The following GRIP2 variants were observed in gnomAD, a reference collection of about 807,000 sequenced individuals.
GRIP2 encodes the protein glutamate receptor-interacting protein 2.
In GRIP2, 58 loss-of-function variants were observed where a neutral mutation model predicts 108.3. The ratio of observed to expected loss-of-function variants is 0.54; its 90% CI spans 0.43 to 0.67. The LOEUF is 0.67. GRIP2 is among the 30% of genes least tolerant of loss of function. The pLI is 0.00. For synonymous variants in GRIP2, 586 were observed against 598.2 expected (o/e 0.98, Z 0.30); for missense variants, 1,278 against 1,430.6 (o/e 0.89, Z 1.72).
At position 14,522,917 on chromosome 3, in the gene GRIP2, G is replaced by T; in HGVS notation, c.566+83C>A. 1 of 1,115,360 alleles carries T rather than the reference G, an allele frequency of 9.0e-7. No individual in the cohort carries two copies. The highest frequency in any genetic ancestry group is 1.4e-6 in the Non-Finnish European group (1 of 726,802). 69.1% of individuals were successfully genotyped at this position (1,115,360 alleles called of 1,614,324 possible). On this transcript the variant is annotated intron_variant, in intron 6 of 23. Coordinates refer to ENST00000621039, the MANE Select transcript of GRIP2 (RefSeq NM_001080423.4). The surrounding 1 kb of genome is among the most constrained non-coding windows in gnomAD (Gnocchi z 4.3). The stretch of plus-strand genomic sequence containing the variant: ...CTCGATCTCTTCATCTGGGGAAGGG[G>T]CATGGTGACCCCACTCCACCTTCTT...
intron 11 of GRIP2, 31 bp from the exon 12 acceptor site, chr3:14,514,509 G>T (rs557487870): frequency 2.6e-6 from 4 of 1,510,848 alleles, no homozygotes; most frequent in Admixed American, 4.2e-5. Context: ...GCATTCAGGT[G>T]AGCCGCCCCA....
chr3:14,583,883 C>A, the GRIP2 span, among the ~76,000 whole-genome samples: 1 of 152,154 alleles, frequency 6.6e-6, no homozygotes, highest in African/African-American at 2.4e-5. Context: ...GGGGCCACAC[C>A]AGCAAAGCCC....
In GRIP2 at chr3:14,505,596, C is replaced by T. The variant is rs778953618; in HGVS notation, c.2573+19G>A. 9.3e-6 allele frequency: 15 copies of T among 1,604,330 alleles called. No individual in the cohort carries two copies. Among genetic ancestry groups the T allele is most frequent in the Middle Eastern group, 1.7e-4 (1 of 6,050 alleles). On this transcript the variant is annotated intron_variant, in intron 20 of 23. Transcript: ENST00000621039. The surrounding 1 kb of genome is among the most constrained non-coding windows in gnomAD (Gnocchi z 4.2). ...GACACTGTGACTCCCTCCTCCTTCACGGTGCTCCCACCACAGACCTCGTTG... is the reference window on the plus strand; with the variant it reads ...GACACTGTGACTCCCTCCTCCTTCATGGTGCTCCCACCACAGACCTCGTTG...
intron 1 of GRIP2, among the ~76,000 whole-genome samples, chr3:14,535,207 T>G (rs1022462816): frequency 6.6e-6 from 1 of 152,116 alleles, no homozygotes; most frequent in Non-Finnish European, 1.5e-5. Flanking sequence ...CGCCCCACCA[T>G]GGAAGGGATT....
chr3:14,493,569 T>C lies in GRIP2; in HGVS notation c.*96A>G. 1 of 1,357,710 alleles carries C rather than the reference T, an allele frequency of 7.4e-7. No individual in the cohort carries two copies. Among genetic ancestry groups the C allele is most frequent in the Non-Finnish European group, 9.9e-7 (1 of 1,012,330 alleles). The allele number at this position is 1,357,710 out of a possible 1,614,324, so 84.1% of individuals were successfully genotyped here. ...GCTCAGAGTCTGCCAGACCAACAGA[T>C]GAATGAGTGGGTGGCCGCTTCTCCA... On this transcript the variant is annotated 3_prime_UTR_variant, in exon 24 of 24. Transcript: ENST00000621039.
chr3:14,537,638 C>T (rs979826655), intron 1 of GRIP2, among the ~76,000 whole-genome samples: 2 of 152,236 alleles, frequency 1.3e-5, no homozygotes, highest in African/African-American at 2.4e-5. Context: ...CAAACTCAGG[C>T]GAAGGATCCC....
rs928601709 is a variant in GRIP2 at position 14,505,414 on chromosome 3, C to T, written c.2573+201G>A. 2.6e-5 allele frequency among the ~76,000 whole-genome samples: 4 copies of T among 152,278 alleles called. No homozygotes were observed. Among genetic ancestry groups the T allele is most frequent in the South Asian group, 2.1e-4 (1 of 4,826 alleles). On this transcript the variant is annotated intron_variant, in intron 20 of 23. Coordinates refer to ENST00000621039, the MANE Select transcript of GRIP2 (RefSeq NM_001080423.4). The surrounding 1 kb of genome is among the most constrained non-coding windows in gnomAD (Gnocchi z 4.2). ...TCCACCTCTATACCTTCGTCCCTGC[C>T]GTGCCCTCCACCAGTCTGCCCTTCC...
At chr3:14,569,684 C>T in the GRIP2 span, among the ~76,000 whole-genome samples, 1 of 152,182 alleles carries the variant, frequency 6.6e-6, no homozygotes, top group South Asian at 2.1e-4. Context: ...GCTTCCTCCA[C>T]CACCCCCCTC....
At chr3:14,499,743 C>A (rs997303146) in intron 21 of GRIP2, among the ~76,000 whole-genome samples, 1 of 151,732 alleles carries the variant, frequency 6.6e-6, no homozygotes, top group African/African-American at 2.4e-5. Context: ...GAAACTCCAT[C>A]TCGAAAAAAA....
exon 1 of GRIP2, chr3:14,556,003 C>T: frequency 2.5e-6 from 1 of 398,830 alleles, no homozygotes; most frequent in Non-Finnish European, 4.4e-6. Flanking sequence ...GCCCCAGCCT[C>T]CCACGCCTGG....
intron 17 of GRIP2, among the ~76,000 whole-genome samples, chr3:14,508,844 T>C (rs1212355395): frequency 2.0e-5 from 3 of 152,228 alleles, no homozygotes; most frequent in Non-Finnish European, 4.4e-5. Flanking sequence ...CTTTTTGCTT[T>C]GCAGATGTGG....
chr3:14,534,438 T>A (rs896174627), intron 1 of GRIP2, among the ~76,000 whole-genome samples: 1 of 152,220 alleles, frequency 6.6e-6, no homozygotes, highest in Admixed American at 6.5e-5. Flanking sequence ...GGTAATTATA[T>A]GCTTAGAGAT....
At position 14,503,560 on chromosome 3, in the gene GRIP2, C is replaced by T; in HGVS notation, c.2679+6G>A. On this transcript the variant is annotated splice_donor_region_variant and intron_variant, in intron 21 of 23. Coordinates refer to ENST00000621039, the MANE Select transcript of GRIP2 (RefSeq NM_001080423.4). ...CCATGCAGGCCTGCAGGGCAGGCAG[C>T]CATACCTCCAGTTCCCTCAGCAGCT... 6.2e-7 allele frequency: 1 copy of T among 1,603,394 alleles called. No individual in the cohort carries two copies. The highest frequency in any genetic ancestry group is 8.5e-7 in the Non-Finnish European group (1 of 1,173,908).
chr3:14,560,138 C>T (rs1695297940), upstream of GRIP2, among the ~76,000 whole-genome samples: 1 of 151,948 alleles, frequency 6.6e-6, no homozygotes, highest in Non-Finnish European at 1.5e-5. Flanking sequence ...CCTATAGTCC[C>T]AGCTACTCAC....
chr3:14,577,448 T>C, the GRIP2 span, among the ~76,000 whole-genome samples: 1 of 152,212 alleles, frequency 6.6e-6, no homozygotes, highest in Non-Finnish European at 1.5e-5. Context: ...GTTTGGCTCC[T>C]GGCCACTCAG....
chr3:14,525,509 G>C lies in GRIP2; in HGVS notation c.185C>G (p.Thr62Ser), dbSNP rs1339535240. 1 of 1,613,778 alleles carries C rather than the reference G, an allele frequency of 6.2e-7. No homozygotes were observed. The highest frequency in any genetic ancestry group is 1.3e-5 in the African/African-American group (1 of 75,038). ...IKKEGSTLGL[T>S]ISGGTDKDGK... The stretch of plus-strand genomic sequence containing the variant: ...ATCCTTGTCGGTGCCACCTGAGATA[G>C]TCAGGCCCAGCGTGCTGCCTTCTTT... Residue 62 changes from threonine (T) to serine (S), a missense_variant, in exon 3 of 24, where the codon ACT becomes AGT. Thr to Ser is a moderately conservative substitution (Grantham distance 58, BLOSUM62 1). Transcript: ENST00000621039.
upstream of GRIP2, chr3:14,541,725 G>T (rs1253699026): frequency 6.4e-6 from 3 of 465,518 alleles, no homozygotes; most frequent in African/African-American, 2.0e-5. Flanking sequence ...GAAGGGTCCA[G>T]GTGCCAGGCA....
Position 14,522,047 on chromosome 3 carries a change from G to A in GRIP2, c.567-260C>T. On this transcript the variant is annotated intron_variant, in intron 6 of 23. Transcript: ENST00000621039. The surrounding 1 kb of genome is among the most constrained non-coding windows in gnomAD (Gnocchi z 4.3). ...CGCCTGCCACTCCTCTGGGTGTGCAGTAATTCACAGACTCAGTGCAGAACC... is the reference window on the plus strand; with the variant it reads ...CGCCTGCCACTCCTCTGGGTGTGCAATAATTCACAGACTCAGTGCAGAACC... The A allele has an allele frequency of 2.0e-6, 1 of 501,208 alleles. No individual in the cohort carries two copies. Among genetic ancestry groups the A allele is most frequent in the Non-Finnish European group, 3.5e-6 (1 of 283,666 alleles). 31.0% of individuals were successfully genotyped at this position (501,208 alleles called of 1,614,324 possible).
chr3:14,532,232 C>T (rs1694727675), intron 1 of GRIP2, among the ~76,000 whole-genome samples: 1 of 152,190 alleles, frequency 6.6e-6, no homozygotes, highest in South Asian at 2.1e-4. Flanking sequence ...AGGTCTGGTC[C>T]CCGCAGGTGG....
Sources: gnomAD v4.1 joint callset for allele counts (sites outside exome capture counted in the v4.1 genomes callset) on GRCh38, gnomAD v4.1.1 for gene constraint, Gnocchi (gnomAD v3.1) non-coding constraint, MANE v1.5 for transcripts, NCBI Gene and HGNC (gene_info 2026-07-23, HGNC 2026-07-21) for gene names.